DSCAML1: variants seen among roughly 807,000 people sequenced by gnomAD.
The protein encoded by DSCAML1 is cell adhesion molecule DSCAML1.
A neutral mutation model predicts 200.5 loss-of-function variants in DSCAML1; 38 were observed. The ratio of observed to expected loss-of-function variants is 0.19; its 90% CI spans 0.15 to 0.25. The LOEUF is 0.25. Among genes scored for constraint, DSCAML1 ranks in the 10% least tolerant of loss-of-function variants. The probability of loss-of-function intolerance (pLI) is 1.00; values close to 1 mark genes in which losing one functional copy is unlikely to be tolerated. For missense variants in DSCAML1, 2,223 were observed against 2,858.8 expected (o/e 0.78, Z 5.07); for synonymous variants, 1,215 against 1,165.0 (o/e 1.04, Z -0.87).
At chr11:117,753,942 G>T (rs376946437) in intron 3 of DSCAML1, among the ~76,000 whole-genome samples, 3 of 152,324 alleles carry the variant, frequency 2.0e-5, no homozygotes, top group East Asian at 3.9e-4. Flanking sequence ...TGGGGACAAG[G>T]TGAAGCAGGC....
upstream of DSCAML1, among the ~76,000 whole-genome samples, chr11:117,802,211 CCT>C (rs2055666404): frequency 6.6e-6 from 1 of 152,228 alleles, no homozygotes; most frequent in Non-Finnish European, 1.5e-5. Flanking sequence ...CCAGTGCCCC[CCT>C]TTTTCACCTG....
intron 3 of DSCAML1, among the ~76,000 whole-genome samples, chr11:117,534,264 C>T (rs2050128654): frequency 6.6e-6 from 1 of 152,236 alleles, no homozygotes; most frequent in South Asian, 2.1e-4. Context: ...GTGGGGACCT[C>T]ACCGTAGGGC....
In DSCAML1 at chr11:117,505,856, G is replaced by T; in HGVS notation, c.1784-124C>A. ...TTGAACAAAGATCCCCTGGGGCACT[G>T]CAGCCTTGTTCTCCTATGCATGCAG... is the stretch of plus-strand genomic sequence containing the variant. On this transcript the variant is annotated intron_variant, in intron 8 of 32. Coordinates refer to ENST00000651296, the MANE Select transcript of DSCAML1 (RefSeq NM_020693.4). The surrounding 1 kb of genome is among the most constrained non-coding windows in gnomAD (Gnocchi z 6.7). The T allele has an allele frequency of 8.2e-7, 1 of 1,213,050 alleles. No homozygotes were observed. Among genetic ancestry groups the T allele is most frequent in the Non-Finnish European group, 1.1e-6 (1 of 886,366 alleles). The allele number at this position is 1,213,050 out of a possible 1,614,324, so 75.1% of individuals were successfully genotyped here.
chr11:117,697,687 C>T (rs757409849), intron 3 of DSCAML1, among the ~76,000 whole-genome samples: 23 of 151,854 alleles, frequency 1.5e-4, no homozygotes, highest in Non-Finnish European at 2.9e-4. Flanking sequence ...TGGAATCATA[C>T]AGTATTGGTC....
chr11:117,491,462 A>G (rs1052860595), intron 11 of DSCAML1, among the ~76,000 whole-genome samples: 1 of 152,222 alleles, frequency 6.6e-6, no homozygotes, highest in African/African-American at 2.4e-5. Flanking sequence ...GGTCTCATCC[A>G]TGACGTAAGA....
chr11:117,581,563 C>G (rs763385208), intron 3 of DSCAML1, among the ~76,000 whole-genome samples: 9 of 152,284 alleles, frequency 5.9e-5, no homozygotes, highest in Middle Eastern at 3.4e-3. Flanking sequence ...AGTAGCCATT[C>G]AAGTCTGGCT....
intron 3 of DSCAML1, among the ~76,000 whole-genome samples, chr11:117,633,216 G>A (rs2052210409): frequency 6.6e-6 from 1 of 152,118 alleles, no homozygotes; most frequent in Non-Finnish European, 1.5e-5. Flanking sequence ...TGGGGACAGT[G>A]TGTGTCTCTC....
At chr11:117,537,197 C>T (rs1044202782) in intron 3 of DSCAML1, among the ~76,000 whole-genome samples, 4 of 152,218 alleles carry the variant, frequency 2.6e-5, no homozygotes, top group Non-Finnish European at 5.9e-5. Context: ...TCCTCACTGC[C>T]TCCTGGAGGA....
At chr11:117,648,352 C>T (rs2052564033) in intron 3 of DSCAML1, among the ~76,000 whole-genome samples, 1 of 152,226 alleles carries the variant, frequency 6.6e-6, no homozygotes, top group Non-Finnish European at 1.5e-5. Flanking sequence ...ATTTCCTGAG[C>T]GCCAAAGCCC....
At position 117,428,295 on chromosome 11, in the gene DSCAML1, G is replaced by A. The variant is rs371054048; in HGVS notation, c.*33C>T. The A allele has an allele frequency of 1.8e-4, 222 of 1,233,606 alleles. 1 individual carries two copies. In the Admixed American group the frequency reaches 2.2e-3, roughly 12 times the overall value. The allele number at this position is 1,233,606 out of a possible 1,614,324, so 76.4% of individuals were successfully genotyped here. A position where few individuals can be genotyped will look rare whatever the true frequency, so the allele number is the denominator to read the frequency against. On this transcript the variant is annotated 3_prime_UTR_variant, in exon 33 of 33. Coordinates refer to ENST00000651296, the MANE Select transcript of DSCAML1 (RefSeq NM_020693.4). ...CTGGCGTGTGGGGCTGCGGCGCGGC[G>A]CGGTCCAGGCGTGGCTGCTCTTCCT...
At chr11:117,749,775 C>G (rs1165396278) in intron 3 of DSCAML1, among the ~76,000 whole-genome samples, 1 of 152,224 alleles carries the variant, frequency 6.6e-6, no homozygotes, top group Non-Finnish European at 1.5e-5. Flanking sequence ...GCCTGGGCAT[C>G]CACGCATGAG....
intron 3 of DSCAML1, among the ~76,000 whole-genome samples, chr11:117,743,484 C>T (rs976874286): frequency 1.3e-5 from 2 of 152,226 alleles, no homozygotes; most frequent in African/African-American, 4.8e-5. Context: ...TCCCCCCAAG[C>T]TCCACAGGGA....
At position 117,437,344 on chromosome 11, in the gene DSCAML1, G is replaced by A. The variant is rs757382042; in HGVS notation, c.4498C>T (p.Leu1500=). 6.2e-7 allele frequency: 1 copy of A among 1,614,142 alleles called. No homozygotes were observed. The highest frequency in any genetic ancestry group is 1.3e-5 in the African/African-American group (1 of 74,948). Residue 1500 remains leucine, a synonymous_variant, in exon 26 of 33, where the codon CTG becomes TTG. Transcript: ENST00000651296. The surrounding 1 kb of genome is among the most constrained non-coding windows in gnomAD (Gnocchi z 5.3). Reference sequence around the variant, plus strand: ...CAGCCCCCATTGTTCCAGCCCTGCAGGTTAAGCCGAGCATGCGTGGAGTTG... The same window carrying A: ...CAGCCCCCATTGTTCCAGCCCTGCAAGTTAAGCCGAGCATGCGTGGAGTTG... ...HINSTHARLN[L]QGWNNGGCPI...
chr11:117,472,708 A>C (rs771972697), intron 14 of DSCAML1, among the ~76,000 whole-genome samples: 1 of 152,170 alleles, frequency 6.6e-6, no homozygotes, highest in Non-Finnish European at 1.5e-5. Flanking sequence ...AGTCTATCTC[A>C]CGGCTGATGT....
intron 1 of DSCAML1, among the ~76,000 whole-genome samples, chr11:117,787,013 G>C (rs568782407): frequency 6.6e-6 from 1 of 152,174 alleles, no homozygotes; most frequent in Non-Finnish European, 1.5e-5. Flanking sequence ...TTAGCTCCCC[G>C]AGGGCAGTGA....
At chr11:117,718,616 C>T (rs1230733617) in intron 3 of DSCAML1, among the ~76,000 whole-genome samples, 1 of 148,798 alleles carries the variant, frequency 6.7e-6, no homozygotes, top group African/African-American at 2.5e-5. Flanking sequence ...GACCAAATAT[C>T]GCTCCCAGTT....
chr11:117,798,507 G>C (rs958953296), upstream of DSCAML1, among the ~76,000 whole-genome samples: 4 of 152,094 alleles, frequency 2.6e-5, no homozygotes, highest in African/African-American at 9.7e-5. Flanking sequence ...GTACTATTCT[G>C]TGGCATTAAA....
intron 11 of DSCAML1, among the ~76,000 whole-genome samples, chr11:117,486,391 G>A (rs1241183300): frequency 2.0e-5 from 3 of 151,076 alleles, no homozygotes; most frequent in Admixed American, 6.6e-5. Context: ...TGGCGGATGT[G>A]AAAGTGGCGG....
At chr11:117,715,553 G>A (rs2053938253) in intron 3 of DSCAML1, among the ~76,000 whole-genome samples, 1 of 152,340 alleles carries the variant, frequency 6.6e-6, no homozygotes, top group Non-Finnish European at 1.5e-5. Context: ...GCTCTTGCCT[G>A]CATGGAATTT....
Sources: gnomAD v4.1 joint callset for allele counts (sites outside exome capture counted in the v4.1 genomes callset) on GRCh38, gnomAD v4.1.1 for gene constraint, Gnocchi (gnomAD v3.1) non-coding constraint, MANE v1.5 for transcripts, NCBI Gene and HGNC (gene_info 2026-07-23, HGNC 2026-07-21) for gene names.